Variants in JADE1 observed in about 807,000 individuals in gnomAD.
JADE1 encodes the protein protein Jade-1.
A neutral mutation model predicts 81.8 loss-of-function variants in JADE1; 14 were observed. The observed-to-expected ratio is 0.17, with a 90% CI of 0.11 to 0.27. JADE1 has a LOEUF of 0.27. JADE1 is among the 10% of genes least tolerant of loss of function. The pLI, the probability that JADE1 is intolerant of heterozygous loss-of-function variation, is 1.00. For missense variants in JADE1, 690 were observed against 1,047.9 expected (o/e 0.66, Z 4.71); for synonymous variants, 353 against 391.9 (o/e 0.90, Z 1.17).
Position 128,867,960 on chromosome 4 carries a change from A to G in JADE1, c.1608A>G (p.Gln536=). The change falls in exon 10 of 11, where the codon CAA becomes CAG. Residue 536 remains glutamine, a synonymous_variant. Transcript: ENST00000226319. ...IFNLYTKLLE[Q]ERVSGVPSSC... The stretch of plus-strand genomic sequence containing the variant: ...ATCTTTACACTAAGCTTTTGGAGCA[A>G]GAAAGAGTTTCAGGTATGCATTAAG... The G allele has an allele frequency of 6.2e-7, 1 of 1,608,992 alleles. No individual in the cohort carries two copies. Among genetic ancestry groups the G allele is most frequent in the Non-Finnish European group, 8.5e-7 (1 of 1,175,390 alleles).
intron 6 of JADE1, among the ~76,000 whole-genome samples, 188 bp downstream of exon 6, chr4:128,852,456 C>G (rs1301780740): frequency 3.3e-5 from 5 of 152,238 alleles, no homozygotes; most frequent in Non-Finnish European, 7.3e-5. Flanking sequence ...ATATCCTCTG[C>G]TTTTGCAGCC....
chr4:128,836,144 C>T (rs1484226552), intron 2 of JADE1, among the ~76,000 whole-genome samples: 1 of 152,136 alleles, frequency 6.6e-6, no homozygotes. Flanking sequence ...GGATTTGGCA[C>T]ATGTGGGAAT....
chr4:128,842,499 C>T (rs777829575), intron 2 of JADE1, among the ~76,000 whole-genome samples: 1 of 152,098 alleles, frequency 6.6e-6, no homozygotes, highest in Non-Finnish European at 1.5e-5. Flanking sequence ...GGGGTTTCAC[C>T]AAGTTGGCCA....
chr4:128,815,193 C>CTCCGCCTCGT (rs1726913075), intron 1 of JADE1, among the ~76,000 whole-genome samples: 1 of 151,926 alleles, frequency 6.6e-6, no homozygotes, highest in Non-Finnish European at 1.5e-5. Context: ...CTCCGCCTCG[C>CTCCGCCTCGT]GGGTTCACGC....
intron 5 of JADE1, among the ~76,000 whole-genome samples, chr4:128,849,545 G>A (rs1477866812): frequency 2.0e-5 from 3 of 152,142 alleles, no homozygotes; most frequent in Non-Finnish European, 2.9e-5. Flanking sequence ...TTCTTTAGCC[G>A]TGGTTTGCTG....
chr4:128,872,292 G>T lies in JADE1; in HGVS notation c.*30G>T, dbSNP rs1283613991. ...ACAGAGATGATGCGGAAGCCCTTTG[G>T]GCTCGTCATTGGGTTTGCTAGAGGA... On this transcript the variant is annotated 3_prime_UTR_variant, in exon 11 of 11. Transcript: ENST00000226319. 2 of 1,596,068 alleles carry T rather than the reference G, an allele frequency of 1.3e-6. No homozygotes were observed. The highest frequency in any genetic ancestry group is 2.2e-5 in the South Asian group (2 of 89,198).
chr4:128,827,901 A>AT, intron 1 of JADE1: 1 of 985,198 alleles, frequency 1.0e-6, no homozygotes, highest in Non-Finnish European at 1.2e-6. Flanking sequence ...TGTGTTACAC[A>AT]TATGTTGGTA....
intron 10 of JADE1, among the ~76,000 whole-genome samples, chr4:128,869,705 A>C (rs1467150246): frequency 6.6e-6 from 1 of 151,942 alleles, no homozygotes; most frequent in African/African-American, 2.4e-5. Context: ...GTAGATCTGC[A>C]TTCAGAAGTC....
intron 5 of JADE1, 52 bp from the exon 6 acceptor site, chr4:128,852,005 A>G (rs1480076160): frequency 9.0e-7 from 1 of 1,112,634 alleles, no homozygotes; most frequent in Non-Finnish European, 1.3e-6. Flanking sequence ...ATTTTGTAAT[A>G]TTTATTAATA....
At chr4:128,843,147 C>T (rs1729591660) in intron 3 of JADE1, 109 bp downstream of exon 3, 2 of 819,920 alleles carry the variant, frequency 2.4e-6, no homozygotes, top group Admixed American at 2.6e-5. Flanking sequence ...AATCCTTGTG[C>T]TCCAGTTTCC....
chr4:128,812,670 A>G (rs1413272934), intron 1 of JADE1, among the ~76,000 whole-genome samples: 1 of 152,198 alleles, frequency 6.6e-6, no homozygotes, highest in African/African-American at 2.4e-5. Flanking sequence ...AGAGCAAACA[A>G]AAAAGCGGGC....
chr4:128,840,830 C>G (rs1389820496), intron 2 of JADE1, among the ~76,000 whole-genome samples: 1 of 152,236 alleles, frequency 6.6e-6, no homozygotes, highest in Non-Finnish European at 1.5e-5. Context: ...GAAGAATTTT[C>G]TAAAACATTT....
intron 1 of JADE1, among the ~76,000 whole-genome samples, chr4:128,814,133 C>G (rs765288814): frequency 6.6e-6 from 1 of 151,866 alleles, no homozygotes; most frequent in Non-Finnish European, 1.5e-5. Context: ...TATTAGTTAT[C>G]CAGGTTGAAA....
intron 8 of JADE1, among the ~76,000 whole-genome samples, chr4:128,859,680 A>G (rs1430322862): frequency 6.6e-6 from 1 of 152,238 alleles, no homozygotes; most frequent in Non-Finnish European, 1.5e-5. Flanking sequence ...TTCTGAGCGT[A>G]GAATTTATGC....
At chr4:128,842,241 A>C (rs1284413763) in intron 2 of JADE1, among the ~76,000 whole-genome samples, 1 of 151,940 alleles carries the variant, frequency 6.6e-6, no homozygotes, top group East Asian at 1.9e-4. Flanking sequence ...ACCTTTTTTT[A>C]AAACAGTGTT....
chr4:128,848,862 T>A, intron 4 of JADE1, 118 bp from the exon 5 acceptor site: 1 of 927,500 alleles, frequency 1.1e-6, no homozygotes, highest in Non-Finnish European at 1.7e-6. Flanking sequence ...GTTTTCAGCC[T>A]CTGGTGATGA....
intron 10 of JADE1, among the ~76,000 whole-genome samples, chr4:128,869,546 TA>T (rs1345988635): frequency 6.6e-6 from 1 of 152,216 alleles, no homozygotes; most frequent in Non-Finnish European, 1.5e-5. Context: ...AAATAAGCCG[TA>T]AAGAGCATTT....
Position 128,846,668 on chromosome 4 carries a change from G to A in JADE1, c.296+136G>A, listed in dbSNP as rs993888992. Reference sequence around the variant, plus strand: ...GCATTAAAATATCATGAGGCCTCAAGTGGAAATAGAAATTCAGGAGCAACA... The same window carrying A: ...GCATTAAAATATCATGAGGCCTCAAATGGAAATAGAAATTCAGGAGCAACA... On this transcript the variant is annotated intron_variant, in intron 4 of 10. Transcript: ENST00000226319. The surrounding 1 kb of genome is among the most constrained non-coding windows in gnomAD (Gnocchi z 4.0). The A allele has an allele frequency of 3.5e-5, 32 of 912,646 alleles. No homozygotes were observed. Among genetic ancestry groups the A allele is most frequent in the South Asian group, 1.2e-4 (7 of 58,152 alleles). The allele number at this position is 912,646 out of a possible 1,614,324, so 56.5% of individuals were successfully genotyped here.
At chr4:128,862,909 T>TGCGC in intron 9 of JADE1, 1 of 987,326 alleles carries the variant, frequency 1.0e-6, no homozygotes, top group Non-Finnish European at 1.2e-6. Flanking sequence ...TGTGTGTGTG[T>TGCGC]GTGTGCGCGT....
Sources: allele counts gnomAD v4.1 joint callset (sites outside exome capture counted in the v4.1 genomes callset), GRCh38; gene constraint gnomAD v4.1.1; non-coding constraint Gnocchi (gnomAD v3.1); transcripts MANE v1.5; gene names NCBI Gene and HGNC (gene_info 2026-07-23, HGNC 2026-07-21).